The following BBX variants were observed in gnomAD, a reference collection of about 807,000 sequenced individuals.
BBX encodes the protein BBX high mobility group box domain containing.
In BBX, 30 loss-of-function variants were observed where a neutral mutation model predicts 100.2. The observed-to-expected ratio is 0.30, with a 90% confidence interval of 0.22 to 0.41. The LOEUF (loss-of-function observed/expected upper bound fraction) is 0.41, where lower values mean the gene tolerates loss of function less well. Ranked by LOEUF, BBX falls within the 10% of genes least tolerant of loss-of-function variation. BBX has a pLI of 1.00. For missense variants in BBX, 1,023 were observed against 1,129.8 expected, an observed-to-expected ratio of 0.91 and a Z score of 1.35; for synonymous variants, 376 against 388.1, an observed-to-expected ratio of 0.97 and a Z score of 0.37.
chr3:107,769,000 TG>T (rs1034716867), intron 10 of BBX, among the ~76,000 whole-genome samples: 1 of 3,736 alleles, frequency 2.7e-4, no homozygotes, highest in African/African-American at 1.1e-3. Flanking sequence ...TCTCTACGGG[TG>T]GGGGGCGGCG....
rs751350339 is a variant in BBX at position 107,773,557 on chromosome 3, G to A, written c.1836G>A (p.Glu612=). Reference sequence around the variant, plus strand: ...AAACTTGTGGTTCCAGGAAATCCGAGAGGTCTTGCAAAGGTGCTCTTTATA... The same window carrying A: ...AAACTTGTGGTTCCAGGAAATCCGAAAGGTCTTGCAAAGGTGCTCTTTATA... ...KIETCGSRKS[E]RSCKGALYKT... Residue 612 remains glutamate, a synonymous_variant, in exon 11 of 18, where the codon GAG becomes GAA. Transcript: ENST00000325805. The surrounding 1 kb of genome is among the most constrained non-coding windows in gnomAD (Gnocchi z 4.1). The A allele has an allele frequency of 6.2e-7, 1 of 1,614,036 alleles. No homozygotes were observed. The highest frequency in any genetic ancestry group is 8.5e-7 in the Non-Finnish European group (1 of 1,179,960).
rs1433804327 is a variant in BBX, at chr3:107,774,868, G to T, written c.2054+11G>T. 3 of 1,612,372 alleles carry T rather than the reference G, an allele frequency of 1.9e-6. No individual in the cohort carries two copies. Among genetic ancestry groups the T allele is most frequent in the Non-Finnish European group, 1.7e-6 (2 of 1,179,122 alleles). On this transcript the variant is annotated intron_variant, in intron 12 of 17. Coordinates refer to ENST00000325805, the MANE Select transcript of BBX (RefSeq NM_001142568.3). Reference sequence around the variant, plus strand: ...AGACTGTCTCCTTGGGTAAGTGCCTGTGAGCACAGTCACCTGTACTCCACA... The same window carrying T: ...AGACTGTCTCCTTGGGTAAGTGCCTTTGAGCACAGTCACCTGTACTCCACA...
chr3:107,650,782 T>A (rs2107806639), intron 3 of BBX, among the ~76,000 whole-genome samples: 1 of 152,318 alleles, frequency 6.6e-6, no homozygotes, highest in Non-Finnish European at 1.5e-5. Flanking sequence ...ATTAGTTTGC[T>A]TGTGTTGCTG....
chr3:107,729,721 T>C (rs752361936), intron 6 of BBX, among the ~76,000 whole-genome samples: 1 of 152,124 alleles, frequency 6.6e-6, no homozygotes, highest in East Asian at 1.9e-4. Flanking sequence ...AGCTACAGGG[T>C]TCCTATTTTG....
chr3:107,563,712 C>T (rs1390128462), intron 2 of BBX, among the ~76,000 whole-genome samples: 1 of 152,062 alleles, frequency 6.6e-6, no homozygotes, highest in Non-Finnish European at 1.5e-5. Flanking sequence ...TGCTGTTTTA[C>T]ATGTTTATAG....
chr3:107,612,261 A>C (rs147441703), intron 2 of BBX, among the ~76,000 whole-genome samples: 1 of 151,984 alleles, frequency 6.6e-6, no homozygotes, highest in Non-Finnish European at 1.5e-5. Flanking sequence ...TGATGATGTC[A>C]TGTTTTCCTG....
rs186182645 is a variant in BBX at position 107,716,822 on chromosome 3, G to A, written c.378G>A (p.Lys126=). The change falls in exon 5 of 18, where the codon AAG becomes AAA. Residue 126 remains lysine (K), a synonymous_variant. Coordinates refer to ENST00000325805, the MANE Select transcript of BBX (RefSeq NM_001142568.3). ...GGGCTGTTCTTGATCCAAAGGAAAAGCAGAAATACACAGACATGGCCAAGG... is the reference window on the plus strand; with the variant it reads ...GGGCTGTTCTTGATCCAAAGGAAAAACAGAAATACACAGACATGGCCAAGG... The part of the protein sequence containing the change: ...DWWAVLDPKE[K]QKYTDMAKEY... The A allele has an allele frequency of 8.4e-5, 135 of 1,613,554 alleles. 1 individual carries two copies. In the East Asian group the frequency reaches 2.8e-3, roughly 34 times the overall value.
At chr3:107,645,673 C>G (rs1286594600) in intron 2 of BBX, among the ~76,000 whole-genome samples, 163 bp from the exon 3 acceptor site, 4 of 152,194 alleles carry the variant, frequency 2.6e-5, no homozygotes, top group Non-Finnish European at 4.4e-5. Context: ...GGGCCACTTT[C>G]TCTAACTAGC....
At chr3:107,704,241 T>G (rs2061257014) in intron 3 of BBX, among the ~76,000 whole-genome samples, 1 of 152,186 alleles carries the variant, frequency 6.6e-6, no homozygotes, top group Non-Finnish European at 1.5e-5. Flanking sequence ...TAAAAAAAAT[T>G]TAGGAGCATG....
intron 2 of BBX, among the ~76,000 whole-genome samples, chr3:107,564,574 A>G (rs1246494303): frequency 6.6e-6 from 1 of 152,156 alleles, no homozygotes; most frequent in African/African-American, 2.4e-5. Context: ...CCCTCCCATC[A>G]TCTCAATCCT....
intron 10 of BBX, among the ~76,000 whole-genome samples, chr3:107,771,714 A>G (rs2066921992): frequency 6.6e-6 from 1 of 152,240 alleles, no homozygotes; most frequent in Non-Finnish European, 1.5e-5. Context: ...GTTTGTTCTC[A>G]GAGCATTTAT....
intron 3 of BBX, chr3:107,677,463 C>T (rs751107602): frequency 5.5e-4 from 84 of 152,092 alleles, no homozygotes; most frequent in Non-Finnish European, 8.7e-4. Flanking sequence ...CATCCTGATA[C>T]ACTCACTGTA....
intron 3 of BBX, among the ~76,000 whole-genome samples, chr3:107,667,828 T>A (rs1209470163): frequency 6.6e-6 from 1 of 152,118 alleles, no homozygotes. Context: ...TTTGAATAGT[T>A]TCATTCAGAT....
At chr3:107,601,806 A>G (rs1447147554) in intron 2 of BBX, among the ~76,000 whole-genome samples, 1 of 152,204 alleles carries the variant, frequency 6.6e-6, no homozygotes, top group Non-Finnish European at 1.5e-5. Context: ...TAAACAACAT[A>G]TTTTCAATGT....
chr3:107,638,625 A>C (rs1372580893), intron 2 of BBX: 3 of 151,958 alleles, frequency 2.0e-5, no homozygotes, highest in Non-Finnish European at 1.5e-5. Flanking sequence ...TGTTTTTTTA[A>C]CAAGTAACAT....
intron 2 of BBX, among the ~76,000 whole-genome samples, chr3:107,579,071 A>G (rs561917174): frequency 6.6e-4 from 100 of 152,296 alleles, no homozygotes; most frequent in South Asian, 4.3e-3. Flanking sequence ...GGGATTACCC[A>G]TACTCAGAAG....
At chr3:107,769,002 G>C (rs988395165) in intron 10 of BBX, among the ~76,000 whole-genome samples, 2 of 63,768 alleles carry the variant, frequency 3.1e-5, no homozygotes, top group East Asian at 8.1e-4. Context: ...TCTACGGGTG[G>C]GGGGCGGCGG....
chr3:107,589,943 C>G (rs2053178080), intron 2 of BBX, among the ~76,000 whole-genome samples: 1 of 152,088 alleles, frequency 6.6e-6, no homozygotes, highest in Non-Finnish European at 1.5e-5. Context: ...TTATTGCTTT[C>G]TATCATTTTG....
intron 2 of BBX, among the ~76,000 whole-genome samples, chr3:107,544,751 G>A (rs1358767109): frequency 4.7e-5 from 7 of 149,836 alleles, no homozygotes; most frequent in African/African-American, 1.5e-4. Flanking sequence ...CACGTCTGTA[G>A]TCCCAGCACT....
Sources: allele counts gnomAD v4.1 joint callset (sites outside exome capture counted in the v4.1 genomes callset), GRCh38; gene constraint gnomAD v4.1.1; non-coding constraint Gnocchi (gnomAD v3.1); transcripts MANE v1.5; gene names NCBI Gene and HGNC (gene_info 2026-07-23, HGNC 2026-07-21).